Variants in ZNF843 observed in about 807,000 individuals in gnomAD.
ZNF843 encodes the protein zinc finger protein 843.
For synonymous variants in ZNF843, 185 were observed against 207.7 expected (o/e 0.89, Z 0.94); for missense variants, 482 against 469.4 (o/e 1.03, Z -0.25).
At chr16:31,439,733 G>A (rs1345028777) in intron 1 of ZNF843, among the ~76,000 whole-genome samples, 1 of 152,234 alleles carries the variant, frequency 6.6e-6, no homozygotes, top group African/African-American at 2.4e-5. Context: ...CTGGGGCTGG[G>A]TCAGGGAGAG....
intron 1 of ZNF843, 113 bp from the exon 2 acceptor site, chr16:31,437,297 C>CTTTTTTTTTTTTTTTTTTTTTTT (rs59710664): frequency 1.2e-5 from 1 of 82,028 alleles, no homozygotes; most frequent in African/African-American, 5.0e-5. Context: ...TTCTTTCCTT[C>CTTTTTTTTTTTTTTTTTTTTTTT]TTTTTTTTTT....
rs1335437453 is a variant in ZNF843 at position 31,436,540 on chromosome 16, A to C, written c.310T>G (p.Cys104Gly). ...VRQGFSGQLC[C>G]WLTKEHTLAE... ...AGTGTGTGCTCCTTGGTGAGCCAGCAGCAGAGCTGGCCGCTAAACCCTTGC... is the reference window on the plus strand; with the variant it reads ...AGTGTGTGCTCCTTGGTGAGCCAGCCGCAGAGCTGGCCGCTAAACCCTTGC... The change falls in exon 2 of 2, where the codon TGC (cysteine) becomes GGC (glycine). Residue 104 changes from cysteine to glycine, a missense_variant. Cys to Gly is a radical substitution (Grantham distance 159). Transcript: ENST00000315678. The C allele has an allele frequency of 3.2e-6, 5 of 1,549,858 alleles. No homozygotes were observed. The African/African-American group carries it at 6.8e-5, about 21-fold the overall frequency.
intron 1 of ZNF843, among the ~76,000 whole-genome samples, chr16:31,442,393 T>C (rs1433096443): frequency 6.6e-6 from 1 of 152,168 alleles, no homozygotes; most frequent in Non-Finnish European, 1.5e-5. Flanking sequence ...AGATCTCGGC[T>C]CATTGCAACC....
chr16:31,436,272 G>T lies in ZNF843; in HGVS notation c.578C>A (p.Thr193Asn). The change falls in exon 2 of 2, where the codon ACC becomes AAC. Residue 193 changes from threonine to asparagine, a missense_variant. Thr to Asn is a moderately conservative substitution (Grantham distance 65). Transcript: ENST00000315678. ...LAPSSVAPDS[T>N]SGLRPCGSPG... The stretch of plus-strand genomic sequence containing the variant: ...GCTCCCACAGGGCCGGAGCCCAGAG[G>T]TGCTGTCCGGGGCGACTGAGCTGGG... The T allele has an allele frequency of 6.5e-7, 1 of 1,548,762 alleles. No individual in the cohort carries two copies. Among genetic ancestry groups the T allele is most frequent in the Admixed American group, 2.0e-5 (1 of 50,806 alleles).
At position 31,436,350 on chromosome 16, in the gene ZNF843, T is replaced by C. The variant is rs758791389; in HGVS notation, c.500A>G (p.His167Arg). Residue 167 changes from histidine to arginine, a missense_variant, in exon 2 of 2, where the codon CAC becomes CGC. Physicochemically the swap from His to Arg is conservative, Grantham distance 29. Transcript: ENST00000315678. Reference sequence around the variant, plus strand: ...ACCCCTGCAGGTCTTCTCCCCTGGGTGCGGAAGGACGCGCTGGGAGAGGGA... The same window carrying C: ...ACCCCTGCAGGTCTTCTCCCCTGGGCGCGGAAGGACGCGCTGGGAGAGGGA... ...KTSLSQRVLP[H>R]PGEKTCRGGS... is the part of the protein sequence containing the mutation. The C allele has an allele frequency of 1.1e-4, 163 of 1,546,840 alleles. No homozygotes were observed. Among genetic ancestry groups the C allele is most frequent in the Non-Finnish European group, 1.3e-4 (146 of 1,144,038 alleles).
Position 31,436,753 on chromosome 16 carries a change from A to C in ZNF843, c.97T>G (p.Cys33Gly). 1 of 1,551,780 alleles carries C rather than the reference A, an allele frequency of 6.4e-7. No homozygotes were observed. Among genetic ancestry groups the C allele is most frequent in the Non-Finnish European group, 8.7e-7 (1 of 1,147,040 alleles). The change falls in exon 2 of 2, where the codon TGC becomes GGC. Residue 33 changes from cysteine (C) to glycine (G), a missense_variant. Coordinates refer to ENST00000315678, the MANE Select transcript of ZNF843 (RefSeq NM_001136509.3). The stretch of plus-strand genomic sequence containing the variant: ...CCCCTCCCGCAGGCCTTGCACTTGC[A>C]GGGCTGACGGCCCTGGGTGAATCTG... Reference protein sequence around the residue: ...TGRFTQGRQPCKCKACGRGFT... With the variant: ...TGRFTQGRQPGKCKACGRGFT...
At chr16:31,441,538 G>A (rs1295957381) in intron 1 of ZNF843, among the ~76,000 whole-genome samples, 1 of 152,138 alleles carries the variant, frequency 6.6e-6, no homozygotes, top group Non-Finnish European at 1.5e-5. Context: ...AGGCTGGAGT[G>A]CAGTGGCACC....
Position 31,436,569 on chromosome 16 carries a change from A to G in ZNF843, c.281T>C (p.Val94Ala). ...GAGCTGGCCGCTAAACCCTTGCCGCACTCCCGCAGACGAATGGCTTCTCCC... is the reference window on the plus strand; with the variant it reads ...GAGCTGGCCGCTAAACCCTTGCCGCGCTCCCGCAGACGAATGGCTTCTCCC... ...PLGRSHSSAG[V>A]RQGFSGQLCC... The change falls in exon 2 of 2, where the codon GTG (valine) becomes GCG (alanine). Residue 94 changes from valine to alanine, a missense_variant. Val to Ala is a moderately conservative substitution (Grantham distance 64). Coordinates refer to ENST00000315678, the MANE Select transcript of ZNF843 (RefSeq NM_001136509.3). 1 of 1,550,212 alleles carries G rather than the reference A, an allele frequency of 6.5e-7. No individual in the cohort carries two copies. Among genetic ancestry groups the G allele is most frequent in the African/African-American group, 1.4e-5 (1 of 73,020 alleles).
chr16:31,442,993 TC>T, upstream of ZNF843: 1 of 152,392 alleles, frequency 6.6e-6, no homozygotes, highest in Non-Finnish European at 1.5e-5. Context: ...CCCCGACCTG[TC>T]CCCTGGCCCT....
Position 31,436,080 on chromosome 16 carries a change from G to A in ZNF843, c.770C>T (p.Thr257Ile). ...GLEVAQVPPA[T>I]QPAAQQEGAM... ...CCCCTCCTGCTGAGCTGCCGGCTGG[G>A]TGGCTGGCGGAACCTGGGCAACTTC... The change falls in exon 2 of 2, where the codon ACC (threonine) becomes ATC (isoleucine). Residue 257 changes from threonine to isoleucine, a missense_variant. Physicochemically the swap from Thr to Ile is moderately conservative, Grantham distance 89. Transcript: ENST00000315678. 1 of 1,550,016 alleles carries A rather than the reference G, an allele frequency of 6.5e-7. No individual in the cohort carries two copies. The highest frequency in any genetic ancestry group is 8.7e-7 in the Non-Finnish European group (1 of 1,146,368).
rs2142881434 is a variant in ZNF843 at position 31,435,606 on chromosome 16, C to G, written c.*197G>C. On this transcript the variant is annotated 3_prime_UTR_variant, in exon 2 of 2. Transcript: ENST00000315678. ...CCCGCAGCCGCACCTGCCTAAATCCCTTAATGTATAAGGGAAAGGAGCGAG... is the reference window on the plus strand; with the variant it reads ...CCCGCAGCCGCACCTGCCTAAATCCGTTAATGTATAAGGGAAAGGAGCGAG... The G allele has an allele frequency of 2.0e-6, 1 of 506,086 alleles. No individual in the cohort carries two copies. The highest frequency in any genetic ancestry group is 2.0e-5 in the African/African-American group (1 of 50,212). 31.3% of individuals were successfully genotyped at this position (506,086 alleles called of 1,614,324 possible). A position where few individuals can be genotyped will look rare whatever the true frequency, so the allele number is the denominator to read the frequency against.
chr16:31,437,619 G>GTTTTTT (rs749584155), intron 1 of ZNF843, among the ~76,000 whole-genome samples: 2 of 109,930 alleles, frequency 1.8e-5, no homozygotes, highest in Admixed American at 9.5e-5. Flanking sequence ...TATAATCAAT[G>GTTTTTT]TTTTTTTTTT....
chr16:31,439,250 A>G (rs2082193546), intron 1 of ZNF843, among the ~76,000 whole-genome samples: 1 of 152,214 alleles, frequency 6.6e-6, no homozygotes, highest in Non-Finnish European at 1.5e-5. Context: ...GAGCAGACTG[A>G]AGGTGCTAAC....
In ZNF843 at chr16:31,436,974, C is replaced by T; in HGVS notation, c.-125G>A. On this transcript the variant is annotated 5_prime_UTR_variant, in exon 2 of 2. Coordinates refer to ENST00000315678, the MANE Select transcript of ZNF843 (RefSeq NM_001136509.3). ...TGGCCACGAGCTCACAGTCTGGGAG[C>T]AGCACCCGGCCCCAGGCCTCGGGGG... 1 of 909,250 alleles carries T rather than the reference C, an allele frequency of 1.1e-6. No individual in the cohort carries two copies. Among genetic ancestry groups the T allele is most frequent in the Non-Finnish European group, 1.6e-6 (1 of 607,378 alleles). 56.3% of individuals were successfully genotyped at this position (909,250 alleles called of 1,614,324 possible).
At chr16:31,439,282 C>G (rs1297520106) in intron 1 of ZNF843, among the ~76,000 whole-genome samples, 19 of 152,170 alleles carry the variant, frequency 1.2e-4, no homozygotes, top group Admixed American at 1.2e-3. Flanking sequence ...GATATGGAGT[C>G]TCACACATTG....
In ZNF843 at chr16:31,439,437, T is replaced by C. The variant is rs189665894; in HGVS notation, c.-335-2253A>G. On this transcript the variant is annotated intron_variant, in intron 1 of 1. Coordinates refer to ENST00000315678, the MANE Select transcript of ZNF843 (RefSeq NM_001136509.3). Reference sequence around the variant, plus strand: ...AAAACATATGTCCACACAAAGACTTTTTCACAAATGTGCATATCAGCTTTA... The same window carrying C: ...AAAACATATGTCCACACAAAGACTTCTTCACAAATGTGCATATCAGCTTTA... 3.8e-3 allele frequency among the ~76,000 whole-genome samples: 580 copies of C among 152,358 alleles called. 7 individuals are homozygous for C. Among genetic ancestry groups the C allele is most frequent in the South Asian group, 0.037 (181 of 4,828 alleles).
chr16:31,437,297 C>CTTTTTTTTT (rs59710664), intron 1 of ZNF843, 113 bp from the exon 2 acceptor site: 8 of 82,000 alleles, frequency 9.8e-5, no homozygotes, highest in African/African-American at 4.0e-4. Flanking sequence ...TTCTTTCCTT[C>CTTTTTTTTT]TTTTTTTTTT....
In ZNF843 at chr16:31,436,201, G is replaced by A. The variant is rs1296869180; in HGVS notation, c.649C>T (p.Arg217Ter). ...QHLPPSTLLP[R>*]PPFLYPGPPL... ...GGGCCAGGATAAAGGAAGGGAGGTC[G>A]GGGCAGGAGTGTGGATGGGGGCAGA... Residue 217 changes from arginine to a stop codon, truncating the protein, a stop_gained, in exon 2 of 2, where the codon CGA (arginine) becomes TGA (stop). Coordinates refer to ENST00000315678, the MANE Select transcript of ZNF843 (RefSeq NM_001136509.3). LOFTEE classifies it low-confidence loss of function (END_TRUNC). 2.0e-6 allele frequency: 3 copies of A among 1,532,418 alleles called. No homozygotes were observed. The highest frequency in any genetic ancestry group is 2.5e-5 in the East Asian group (1 of 40,702). 94.9% of individuals were successfully genotyped at this position (1,532,418 alleles called of 1,614,324 possible). A position where few individuals can be genotyped will look rare whatever the true frequency, so the allele number is the denominator to read the frequency against.
intron 1 of ZNF843, among the ~76,000 whole-genome samples, chr16:31,441,355 TAAC>T (rs1378172570): frequency 6.6e-6 from 1 of 152,182 alleles, no homozygotes; most frequent in Non-Finnish European, 1.5e-5. Flanking sequence ...CACCCAGGAG[TAAC>T]AACATACAGC....
Sources: allele counts gnomAD v4.1 joint callset (sites outside exome capture counted in the v4.1 genomes callset), GRCh38; gene constraint gnomAD v4.1.1; transcripts MANE v1.5; gene names NCBI Gene and HGNC (gene_info 2026-07-23, HGNC 2026-07-21).